SORBS2: variants seen among roughly 807,000 people sequenced by gnomAD.
SORBS2 encodes the protein sorbin and SH3 domain-containing protein 2.
Under a neutral mutation model 97.7 loss-of-function variants are expected in SORBS2, and 46 were observed. The ratio of observed to expected loss-of-function variants is 0.47; its 90% confidence interval spans 0.37 to 0.60. The LOEUF is 0.60. SORBS2 is among the 20% of genes least tolerant of loss of function. SORBS2 has a pLI of 0.00. For missense variants in SORBS2, 1,316 were observed against 1,282.3 expected, an observed-to-expected ratio of 1.03 and a Z score of -0.40; for synonymous variants, 476 against 473.4, an observed-to-expected ratio of 1.01 and a Z score of -0.07.
At chr4:185,629,098 T>C (rs994933104) in intron 5 of SORBS2, among the ~76,000 whole-genome samples, 1 of 152,222 alleles carries the variant, frequency 6.6e-6, no homozygotes, top group Non-Finnish European at 1.5e-5. Context: ...ATGAGGTATA[T>C]GCTGTTATCT....
intron 1 of SORBS2, among the ~76,000 whole-genome samples, chr4:185,784,256 C>T (rs115169191): frequency 0.024 from 3,632 of 152,212 alleles, 65 homozygotes; most frequent in Middle Eastern, 0.072. Context: ...CTCAGCCTCC[C>T]GAGTAGCTGG....
At chr4:185,590,161 T>G (rs2095889151) in intron 13 of SORBS2, among the ~76,000 whole-genome samples, 1 of 152,210 alleles carries the variant, frequency 6.6e-6, no homozygotes, top group African/African-American at 2.4e-5. Flanking sequence ...GTACAAAATA[T>G]AAAATAAGTG....
intron 4 of SORBS2, among the ~76,000 whole-genome samples, chr4:185,673,865 C>T (rs149210866): frequency 2.8e-4 from 42 of 152,286 alleles, no homozygotes; most frequent in African/African-American, 4.8e-4. Flanking sequence ...AGCATTTGTG[C>T]GGTGAACCAT....
intron 1 of SORBS2, among the ~76,000 whole-genome samples, chr4:185,879,662 C>T (rs1024778312): frequency 1.3e-5 from 2 of 151,250 alleles, no homozygotes; most frequent in African/African-American, 2.4e-5. Context: ...CCTATTTCTC[C>T]ACATCCTCTC....
chr4:185,844,103 G>A (rs1285031594), intron 1 of SORBS2, among the ~76,000 whole-genome samples: 2 of 152,168 alleles, frequency 1.3e-5, no homozygotes, highest in East Asian at 3.9e-4. Context: ...CAAGTGCTAA[G>A]GCAATTCAAT....
At chr4:185,726,050 A>G (rs1300337020) in intron 2 of SORBS2, among the ~76,000 whole-genome samples, 2 of 152,030 alleles carry the variant, frequency 1.3e-5, no homozygotes, top group Non-Finnish European at 2.9e-5. Flanking sequence ...TGTGTCAGAT[A>G]TTTTCTGGGT....
At chr4:185,876,242 G>A (rs2099233597) in intron 1 of SORBS2, among the ~76,000 whole-genome samples, 1 of 151,966 alleles carries the variant, frequency 6.6e-6, no homozygotes, top group Admixed American at 6.6e-5. Flanking sequence ...TGAGTAGCTG[G>A]GATTACAGGC....
chr4:185,679,645 G>A (rs1199627574), intron 2 of SORBS2, among the ~76,000 whole-genome samples: 1 of 152,126 alleles, frequency 6.6e-6, no homozygotes, highest in Non-Finnish European at 1.5e-5. Flanking sequence ...ACTTTACTTA[G>A]ATTCATTAAG....
chr4:185,901,751 A>T (rs2099247904), intron 1 of SORBS2, among the ~76,000 whole-genome samples: 2 of 152,262 alleles, frequency 1.3e-5, no homozygotes, highest in Non-Finnish European at 2.9e-5. Flanking sequence ...TCGAACAATG[A>T]ATTACAAGCT....
chr4:185,804,257 C>T (rs1407591552), intron 1 of SORBS2, among the ~76,000 whole-genome samples: 1 of 152,196 alleles, frequency 6.6e-6, no homozygotes, highest in Non-Finnish European at 1.5e-5. Flanking sequence ...TCAGCAGGTC[C>T]CTTTCCTTGG....
intron 1 of SORBS2, among the ~76,000 whole-genome samples, chr4:185,928,757 A>G (rs548964685): frequency 9.2e-5 from 14 of 152,248 alleles, no homozygotes; most frequent in South Asian, 2.1e-4. Flanking sequence ...CGTGTTAGCC[A>G]GGATGGTCTT....
intron 1 of SORBS2, among the ~76,000 whole-genome samples, chr4:185,810,047 C>T (rs948508888): frequency 6.6e-5 from 10 of 152,182 alleles, no homozygotes; most frequent in African/African-American, 1.7e-4. Flanking sequence ...TATTTTTGCT[C>T]ATAGAATTGG....
intron 2 of SORBS2, among the ~76,000 whole-genome samples, chr4:185,713,431 C>A (rs1359842343): frequency 6.6e-6 from 1 of 152,126 alleles, no homozygotes; most frequent in African/African-American, 2.4e-5. Context: ...TCTTTCCCAC[C>A]ACAAGGATTA....
At chr4:185,644,600 G>A (rs979294691) in intron 4 of SORBS2, among the ~76,000 whole-genome samples, 1 of 152,162 alleles carries the variant, frequency 6.6e-6, no homozygotes, top group African/African-American at 2.4e-5. Context: ...CCTGGGGCAA[G>A]GCGAGCTAAT....
At chr4:185,675,005 C>T (rs1289435293) in intron 4 of SORBS2, 1 of 152,198 alleles carries the variant, frequency 6.6e-6, no homozygotes, top group African/African-American at 2.4e-5. Context: ...GGTTTCAAAT[C>T]CAACTCTGTT....
At chr4:185,895,517 C>A (rs147876537) in intron 1 of SORBS2, among the ~76,000 whole-genome samples, 6 of 152,238 alleles carry the variant, frequency 3.9e-5, no homozygotes, top group Non-Finnish European at 8.8e-5. Flanking sequence ...GCGGTCATGG[C>A]GCCCGGGCGA....
chr4:185,868,547 G>C (rs1328258735), intron 1 of SORBS2, among the ~76,000 whole-genome samples: 1 of 152,084 alleles, frequency 6.6e-6, no homozygotes, highest in Admixed American at 6.6e-5. Context: ...GGGAAAAAAC[G>C]AAGACGACAC....
At chr4:185,788,781 A>C (rs1441080852) in intron 1 of SORBS2, among the ~76,000 whole-genome samples, 1 of 152,206 alleles carries the variant, frequency 6.6e-6, no homozygotes, top group African/African-American at 2.4e-5. Flanking sequence ...GGTGCCCATC[A>C]CTGTGGCCAA....
chr4:185,893,051 T>G (rs2099243258), intron 1 of SORBS2, among the ~76,000 whole-genome samples: 1 of 152,084 alleles, frequency 6.6e-6, no homozygotes, highest in African/African-American at 2.4e-5. Context: ...CCGATTACTA[T>G]TGAGAGCTAG....
Sources: allele counts gnomAD v4.1 joint callset (sites outside exome capture counted in the v4.1 genomes callset), GRCh38; gene constraint gnomAD v4.1.1; transcripts MANE v1.5; gene names NCBI Gene and HGNC (gene_info 2026-07-23, HGNC 2026-07-21).